CDKN2B-AS1: variants seen among roughly 807,000 people sequenced by gnomAD.
CDKN2B-AS1 encodes CDKN2B antisense RNA 1 (non-protein coding).
At chr9:22,097,735 G>A (rs1281830886) in intron 4 of CDKN2B-AS1, among the ~76,000 whole-genome samples, 1 of 152,208 alleles carries the variant, frequency 6.6e-6, no homozygotes, top group East Asian at 1.9e-4. Flanking sequence ...GCAGGTAGCA[G>A]GTAGTGCTAA....
chr9:22,006,364 G>C lies in CDKN2B-AS1; in HGVS notation n.29+11203G>C. On this transcript the variant is annotated intron_variant and non_coding_transcript_variant, in intron 1 of 4. Coordinates refer to ENST00000650946, the Ensembl canonical transcript of CDKN2B-AS1. This position sits in a 1 kb window ranked among gnomAD's most constrained non-coding sequence, Gnocchi z 6.4. ...CACCTAATTGCAAAGTTTTCACCCA[G>C]TGCAGAGGTGTTCAGGTCTCTGATG... The C allele has an allele frequency of 3.6e-6, 5 of 1,376,358 alleles. No homozygotes were observed. The highest frequency in any genetic ancestry group is 5.0e-6 in the Non-Finnish European group (5 of 1,001,122). The allele number at this position is 1,376,358 out of a possible 1,614,324, so 85.3% of individuals were successfully genotyped here. A position where few individuals can be genotyped will look rare whatever the true frequency, so the allele number is the denominator to read the frequency against.
chr9:22,121,903 A>G (rs1460800220), intron 4 of CDKN2B-AS1, among the ~76,000 whole-genome samples: 2 of 152,096 alleles, frequency 1.3e-5, no homozygotes, highest in Non-Finnish European at 2.9e-5. Flanking sequence ...TCCTTTGGAT[A>G]AATTGCTAGT....
chr9:22,089,789 G>C (rs1312619387), intron 4 of CDKN2B-AS1, among the ~76,000 whole-genome samples: 1 of 151,688 alleles, frequency 6.6e-6, no homozygotes, highest in African/African-American at 2.4e-5. Flanking sequence ...GTATTAGATT[G>C]AGCCAATGAC....
At chr9:22,088,078 C>A (rs1455597332) in intron 4 of CDKN2B-AS1, among the ~76,000 whole-genome samples, 1 of 152,044 alleles carries the variant, frequency 6.6e-6, no homozygotes, top group African/African-American at 2.4e-5. Flanking sequence ...ATGAATTTAT[C>A]TAAATGTCAT....
rs1449851844 is a variant in CDKN2B-AS1 at position 22,083,647 on chromosome 9, G to T, written n.438+27260G>T. Among the ~76,000 whole-genome samples the T allele has an allele frequency of 2.6e-5, 4 of 152,170 alleles. No homozygotes were observed. In the East Asian group the frequency reaches 7.7e-4, roughly 29 times the overall value. On this transcript the variant is annotated intron_variant and non_coding_transcript_variant, in intron 4 of 4. Transcript: ENST00000650946. ...CTGCCAGGTTCAAGAACCACAGCTC[G>T]ATCAGCCTATATTTAGATGTTTGGG...
intron 1 of CDKN2B-AS1, among the ~76,000 whole-genome samples, chr9:22,027,214 C>T (rs1402422764): frequency 1.3e-5 from 2 of 151,660 alleles, no homozygotes; most frequent in Admixed American, 6.6e-5. Context: ...GTTGATCTAC[C>T]GCTTCTCTCT....
In CDKN2B-AS1 at chr9:21,997,480, G is replaced by A. The variant is rs1587365481; in HGVS notation, n.29+2319G>A. 1.4e-5 allele frequency among the ~76,000 whole-genome samples: 2 copies of A among 146,036 alleles called. No individual in the cohort carries two copies. The highest frequency in any genetic ancestry group is 6.9e-5 in the Admixed American group (1 of 14,534). ...ATGTGGGGGAGAGAAAGAGAGGGAG[G>A]GAGAGAGAGAGAGAGAGAGAGAGAA... is the stretch of plus-strand genomic sequence containing the variant. On this transcript the variant is annotated intron_variant and non_coding_transcript_variant, in intron 1 of 4. Transcript: ENST00000650946. The surrounding 1 kb of genome is among the most constrained non-coding windows in gnomAD (Gnocchi z 4.8).
At chr9:22,070,196 T>C (rs1476905492) in intron 4 of CDKN2B-AS1, among the ~76,000 whole-genome samples, 1 of 152,182 alleles carries the variant, frequency 6.6e-6, no homozygotes, top group Non-Finnish European at 1.5e-5. Flanking sequence ...GTGTTTTAGA[T>C]GACAGAACAG....
intron 4 of CDKN2B-AS1, among the ~76,000 whole-genome samples, chr9:22,082,611 G>A (rs1824736686): frequency 6.6e-6 from 1 of 152,174 alleles, no homozygotes; most frequent in Non-Finnish European, 1.5e-5. Flanking sequence ...TGCTATCGGA[G>A]CTTAAGCTTT....
chr9:22,012,271 C>A (rs887598541), intron 1 of CDKN2B-AS1: 13 of 1,461,298 alleles, frequency 8.9e-6, no homozygotes, highest in Non-Finnish European at 1.2e-5. Context: ...TCCCCCCTGA[C>A]AAGCAGCGTC....
At chr9:22,003,179 C>T (rs1820997126) in intron 1 of CDKN2B-AS1, 3 of 215,234 alleles carry the variant, frequency 1.4e-5, no homozygotes, top group Non-Finnish European at 2.8e-5. Flanking sequence ...CAGGTGGCTT[C>T]GAAAATGGAA....
At chr9:22,012,410 A>T (rs1445632240) in intron 1 of CDKN2B-AS1, 2 of 783,162 alleles carry the variant, frequency 2.6e-6, no homozygotes, top group African/African-American at 1.7e-5. Flanking sequence ...CTTCCAGCTC[A>T]CCTAGAAATA....
At chr9:22,029,665 T>C (rs1822387451) in intron 1 of CDKN2B-AS1, 3 of 501,836 alleles carry the variant, frequency 6.0e-6, no homozygotes, top group Admixed American at 3.3e-5. Context: ...GGAAATGTTC[T>C]CTTCCAAATT....
At chr9:22,007,831 C>T (rs1456263187) in intron 1 of CDKN2B-AS1, among the ~76,000 whole-genome samples, 1 of 152,090 alleles carries the variant, frequency 6.6e-6, no homozygotes, top group East Asian at 1.9e-4. Flanking sequence ...TTAAGATGCA[C>T]TTTACAATAT....
At chr9:22,085,747 C>T (rs1296223760) in intron 4 of CDKN2B-AS1, among the ~76,000 whole-genome samples, 1 of 149,564 alleles carries the variant, frequency 6.7e-6, no homozygotes, top group Non-Finnish European at 1.5e-5. Context: ...AAAAGTCCCT[C>T]TCTTTATATC....
chr9:22,056,198 A>G (rs1373559808), intron 3 of CDKN2B-AS1: 4 of 119,484 alleles, frequency 3.3e-5, no homozygotes, highest in Non-Finnish European at 6.7e-5. Flanking sequence ...CAGCTAATTT[A>G]TATATGTGTG....
chr9:22,110,257 A>G (rs1825770727), intron 4 of CDKN2B-AS1, among the ~76,000 whole-genome samples: 1 of 152,156 alleles, frequency 6.6e-6, no homozygotes, highest in Admixed American at 6.6e-5. Context: ...CATATTTGTC[A>G]GTATGAACAT....
intron 1 of CDKN2B-AS1, among the ~76,000 whole-genome samples, chr9:22,013,922 CTTA>C (rs1802773226): frequency 1.3e-5 from 2 of 151,792 alleles, no homozygotes; most frequent in Non-Finnish European, 1.5e-5. Flanking sequence ...TTTCTCATAA[CTTA>C]TTATTTAGGC....
chr9:22,004,446 A>G (rs866898377), intron 1 of CDKN2B-AS1: 3 of 232,414 alleles, frequency 1.3e-5, no homozygotes, highest in Non-Finnish European at 2.6e-5. Flanking sequence ...GGTATTGCTT[A>G]TGAGCAATTA....
Sources: gnomAD v4.1 joint callset for allele counts (sites outside exome capture counted in the v4.1 genomes callset) on GRCh38, gnomAD v4.1.1 for gene constraint, Gnocchi (gnomAD v3.1) non-coding constraint, MANE v1.5 for transcripts, NCBI Gene and HGNC (gene_info 2026-07-23, HGNC 2026-07-21) for gene names.